The following AMOT variants were observed in gnomAD, a reference collection of about 807,000 sequenced individuals.
AMOT encodes angiomotin.
A neutral mutation model predicts 67.0 loss-of-function variants in AMOT; 11 were observed. The observed-to-expected ratio is 0.16, with a 90% CI of 0.10 to 0.27. AMOT has a LOEUF of 0.27. AMOT is among the 10% of genes least tolerant of loss of function. AMOT has a pLI of 1.00. For missense variants in AMOT, 753 were observed against 852.0 expected, an observed-to-expected ratio of 0.88 and a Z score of 1.45; for synonymous variants, 326 against 321.4, an observed-to-expected ratio of 1.01 and a Z score of -0.15.
chrX:112,807,718 G>A (rs1354994584), intron 7 of AMOT, among the ~76,000 whole-genome samples: 1 of 111,925 alleles, frequency 8.9e-6, no homozygotes, highest in African/African-American at 3.2e-5. Context: ...TTAAGTGAAA[G>A]AAATGTTAGA....
In AMOT at chrX:112,779,365, G is replaced by A. The variant is rs1378888498; in HGVS notation, c.2789C>T (p.Ala930Val). 1.0e-6 allele frequency: 1 copy of A among 966,835 alleles called. No individual in the cohort carries two copies. Among genetic ancestry groups the A allele is most frequent in the South Asian group, 2.0e-5 (1 of 48,857 alleles). 79.7% of individuals were successfully genotyped at this position (966,835 alleles called of 1,213,427 possible). A position where few individuals can be genotyped will look rare whatever the true frequency, so the allele number is the denominator to read the frequency against. ...AGCAGCAGCAGTAGCAGCGGCAGTG[G>A]CTGGAGACGGGGCAGCAGCAGCAGC... Reference protein sequence around the residue: ...APAAAAAPSPATAAATAAAVS... With the variant: ...APAAAAAPSPVTAAATAAAVS... The change falls in exon 13 of 14, where the codon GCC becomes GTC. Residue 930 changes from alanine (A) to valine (V), a missense_variant. By Grantham distance (64) the Ala-to-Val change is moderately conservative. Around this residue, in one of 5 missense-constraint regions of AMOT, gnomAD observed 269 missense variants for 300.9 expected, o/e 0.89. Transcript: ENST00000371959.
intron 1 of AMOT, among the ~76,000 whole-genome samples, chrX:112,835,325 G>T (rs1338436744): frequency 9.0e-6 from 1 of 111,275 alleles, no homozygotes; most frequent in Non-Finnish European, 1.9e-5. Context: ...GTTAGGGCAA[G>T]AGTGAAAGTG....
At position 112,775,148 on chromosome X, in the gene AMOT, TAAAC is replaced by T. The variant is rs113037861; in HGVS notation, c.*3415_*3418del. On this transcript the variant is annotated 3_prime_UTR_variant, in exon 14 of 14. Coordinates refer to ENST00000371959, the MANE Select transcript of AMOT (RefSeq NM_001113490.2). ...ACCCATCGTTGCTACTGGAAAAAAATAAACAAACTCCCGACACTTGTCCTACTGA... is the reference window on the plus strand; with the variant it reads ...ACCCATCGTTGCTACTGGAAAAAAATAAACTCCCGACACTTGTCCTACTGA... 0.055 allele frequency: 6,106 copies of T among 111,548 alleles called. 148 individuals carry two copies. Among genetic ancestry groups the T allele is most frequent in the Middle Eastern group, 0.09 (19 of 212 alleles). The allele number at this position is 111,548 out of a possible 1,213,427, so 9.2% of individuals were successfully genotyped here. A position where few individuals can be genotyped will look rare whatever the true frequency, so the allele number is the denominator to read the frequency against.
Position 112,811,402 on chromosome X carries a change from C to A in AMOT, c.1393-9G>T. The A allele has an allele frequency of 1.7e-6, 2 of 1,195,785 alleles. No individual in the cohort carries two copies. The highest frequency in any genetic ancestry group is 2.2e-5 in the Admixed American group (1 of 44,609). On this transcript the variant is annotated splice_polypyrimidine_tract_variant and intron_variant, in intron 5 of 13. Transcript: ENST00000371959. The stretch of plus-strand genomic sequence containing the variant: ...TGGATTTCTGTCTCCACCTTAACAA[C>A]AAAAAAAGACAATGGTGGTGATGGT...
At chrX:112,827,283 G>C (rs767826690) in intron 2 of AMOT, among the ~76,000 whole-genome samples, 2 of 112,523 alleles carry the variant, frequency 1.8e-5, no homozygotes, top group African/African-American at 6.5e-5. Context: ...TAAGAAAAAA[G>C]CTTTGCAGAG....
intron 1 of AMOT, among the ~76,000 whole-genome samples, chrX:112,838,251 AAGAG>A (rs1349626832): frequency 8.9e-6 from 1 of 112,272 alleles, no homozygotes; most frequent in African/African-American, 3.2e-5. Flanking sequence ...AAGAAGCGTT[AAGAG>A]GGGAACAGGA....
At chrX:112,789,105 G>A (rs1262529449) in intron 10 of AMOT, among the ~76,000 whole-genome samples, 6 of 111,690 alleles carry the variant, frequency 5.4e-5, no homozygotes, top group East Asian at 2.8e-4. Context: ...GCACACTCTC[G>A]TGACCTGTAT....
intron 7 of AMOT, among the ~76,000 whole-genome samples, chrX:112,806,753 TGCCCTCTTCTAGTG>T (rs1047976472): frequency 1.1e-4 from 12 of 112,291 alleles, no homozygotes; most frequent in Admixed American, 2.8e-4. Context: ...TATCTCAATC[TGCCCTCTTCTAGTG>T]GCTGGCTGTA....
Position 112,775,153 on chromosome X carries a change from A to C in AMOT, c.*3414T>G, listed in dbSNP as rs1016500273. On this transcript the variant is annotated 3_prime_UTR_variant, in exon 14 of 14. Transcript: ENST00000371959. ...TCGTTGCTACTGGAAAAAAATAAACAAACTCCCGACACTTGTCCTACTGAT... is the reference window on the plus strand; with the variant it reads ...TCGTTGCTACTGGAAAAAAATAAACCAACTCCCGACACTTGTCCTACTGAT... 1 of 101,664 alleles carries C rather than the reference A, an allele frequency of 9.8e-6. No homozygotes were observed. Among genetic ancestry groups the C allele is most frequent in the Non-Finnish European group, 2.1e-5 (1 of 46,600 alleles). 8.4% of individuals were successfully genotyped at this position (101,664 alleles called of 1,213,427 possible).
At chrX:112,790,881 G>T in intron 9 of AMOT, 99 bp from the exon 10 acceptor site, 3 of 789,235 alleles carry the variant, frequency 3.8e-6, no homozygotes, top group East Asian at 7.6e-5. Flanking sequence ...GCCTACTTCT[G>T]TTTCGACTCT....
intron 1 of AMOT, among the ~76,000 whole-genome samples, chrX:112,834,923 G>A (rs765195578): frequency 2.7e-5 from 3 of 112,176 alleles, no homozygotes; most frequent in African/African-American, 6.5e-5. Flanking sequence ...GTACAAAACT[G>A]TTTAATTTTT....
chrX:112,831,606 T>C (rs1250610309), intron 2 of AMOT, among the ~76,000 whole-genome samples: 1 of 110,599 alleles, frequency 9.0e-6, no homozygotes, highest in African/African-American at 3.3e-5. Flanking sequence ...CAAAAAACCC[T>C]GGGCTACCTG....
chrX:112,781,899 T>C (rs777180024), intron 11 of AMOT, among the ~76,000 whole-genome samples: 12 of 111,763 alleles, frequency 1.1e-4, no homozygotes, highest in African/African-American at 3.6e-4. Context: ...CTTTTTGTTG[T>C]TGTTGTTGAG....
intron 4 of AMOT, among the ~76,000 whole-genome samples, chrX:112,817,017 CA>C (rs1395045828): frequency 8.9e-6 from 1 of 112,209 alleles, no homozygotes; most frequent in Non-Finnish European, 1.9e-5. Flanking sequence ...GCACTGAAGA[CA>C]AAAAGCTTGT....
intron 4 of AMOT, 121 bp from the exon 5 acceptor site, chrX:112,815,998 C>T: frequency 1.0e-6 from 1 of 992,991 alleles, no homozygotes; most frequent in Non-Finnish European, 1.3e-6. Context: ...AAATGAAGAG[C>T]AGGCAGGGTC....
chrX:112,801,738 A>C (rs1253943761), intron 8 of AMOT, among the ~76,000 whole-genome samples: 1 of 112,534 alleles, frequency 8.9e-6, no homozygotes, highest in Admixed American at 9.4e-5. Context: ...AAAGACATAA[A>C]TAAATGCAAG....
intron 10 of AMOT, 49 bp from the exon 11 acceptor site, chrX:112,782,711 G>C (rs1435246467): frequency 8.6e-7 from 1 of 1,162,136 alleles, no homozygotes; most frequent in Non-Finnish European, 1.2e-6. Context: ...CAAGATCAAT[G>C]AATGTTATCT....
intron 8 of AMOT, 41 bp downstream of exon 8, chrX:112,804,897 TTCCCAGCCC>T: frequency 2.1e-6 from 2 of 948,586 alleles, no homozygotes; most frequent in Non-Finnish European, 3.0e-6. Flanking sequence ...TGTCCCCGAT[TTCCCAGCCC>T]TCCCACCCCC....
chrX:112,831,398 G>A (rs1382728096), intron 2 of AMOT, among the ~76,000 whole-genome samples: 2 of 108,733 alleles, frequency 1.8e-5, no homozygotes, highest in Non-Finnish European at 3.8e-5. Context: ...AACTTTTACT[G>A]AGCACTTACT....
Sources: gnomAD v4.1 joint callset for allele counts (sites outside exome capture counted in the v4.1 genomes callset) on GRCh38, gnomAD v4.1.1 for gene constraint, gnomAD v4.1.1 regional missense constraint, MANE v1.5 for transcripts, NCBI Gene and HGNC (gene_info 2026-07-23, HGNC 2026-07-21) for gene names.